Variants in RIPOR2 observed in about 807,000 individuals in gnomAD.
The protein encoded by RIPOR2 is rho family-interacting cell polarization regulator 2.
In RIPOR2, 39 loss-of-function variants were observed where a neutral mutation model predicts 114.5. That is an observed-to-expected ratio of 0.34 (90% CI 0.26 to 0.44). The LOEUF (loss-of-function observed/expected upper bound fraction) is 0.44. Among genes scored for constraint, RIPOR2 ranks in the 20% least tolerant of loss-of-function variants. The pLI is 1.00. For synonymous variants in RIPOR2, 445 were observed against 484.4 expected (o/e 0.92, Z 1.07); for missense variants, 1,007 against 1,255.1 (o/e 0.80, Z 2.99).
intron 15 of RIPOR2, among the ~76,000 whole-genome samples, chr6:24,834,962 C>T (rs1177589771): frequency 6.6e-6 from 1 of 152,152 alleles, no homozygotes; most frequent in Non-Finnish European, 1.5e-5. Context: ...TCTTCCTGTT[C>T]CACATACACC....
chr6:24,828,353 TTCA>T, intron 17 of RIPOR2, 58 bp from the exon 18 acceptor site: 1 of 1,289,654 alleles, frequency 7.8e-7, no homozygotes, highest in Non-Finnish European at 1.0e-6. Context: ...CATTCATTCA[TTCA>T]TTCAATAATT....
chr6:24,870,381 A>G (rs1765040449), intron 5 of RIPOR2, among the ~76,000 whole-genome samples: 1 of 152,266 alleles, frequency 6.6e-6, no homozygotes, highest in Admixed American at 6.5e-5. Context: ...TCTATAGATC[A>G]CAGTACTTGT....
chr6:25,039,073 TA>T (rs777244829), intron 1 of RIPOR2, among the ~76,000 whole-genome samples: 9 of 152,232 alleles, frequency 5.9e-5, no homozygotes, highest in Non-Finnish European at 1.0e-4. Flanking sequence ...TTATTTTTCT[TA>T]ATGACAAAAT....
At chr6:24,927,130 C>CA (rs1561782361) in intron 1 of RIPOR2, among the ~76,000 whole-genome samples, 3 of 4,870 alleles carry the variant, frequency 6.2e-4, no homozygotes, top group Admixed American at 1.8e-3. Context: ...TAATCATCAT[C>CA]TCACTACCAC....
rs562012591 is a variant in RIPOR2, at chr6:24,809,746, T to A, written c.3014A>T (p.Asn1005Ile). 1 of 1,550,712 alleles carries A rather than the reference T, an allele frequency of 6.4e-7. No individual in the cohort carries two copies. Among genetic ancestry groups the A allele is most frequent in the South Asian group, 1.2e-5 (1 of 84,046 alleles). The change falls in exon 21 of 22, where the codon AAT (asparagine) becomes ATT (isoleucine). Residue 1005 changes from asparagine to isoleucine, a missense_variant. By Grantham distance (149) the Asn-to-Ile change is moderately radical. Transcript: ENST00000643898. ...AGACAAGAGGGTTTCTGAGGCCACA[T>A]TTCTGATTTCTTCAGTATCAGATTG... ...LCQSDTEEIR[N>I]VASETLLSLG...
At chr6:24,854,115 T>C (rs1763210172) in intron 8 of RIPOR2, among the ~76,000 whole-genome samples, 1 of 142,884 alleles carries the variant, frequency 7.0e-6, no homozygotes, top group African/African-American at 2.7e-5. Context: ...TGAGACTATG[T>C]CTGAAAAAGA....
chr6:24,913,687 G>A (rs1769845849), intron 1 of RIPOR2, among the ~76,000 whole-genome samples: 1 of 152,112 alleles, frequency 6.6e-6, no homozygotes, highest in Non-Finnish European at 1.5e-5. Context: ...GCTCCTGTGT[G>A]GTCACCAAAG....
At chr6:24,927,217 AC>A (rs1770978722) in intron 1 of RIPOR2, among the ~76,000 whole-genome samples, 2 of 147,132 alleles carry the variant, frequency 1.4e-5, no homozygotes, top group Admixed American at 6.9e-5. Flanking sequence ...CACCACCACC[AC>A]TACCACCAGC....
intron 12 of RIPOR2, chr6:24,847,736 G>C: frequency 6.6e-7 from 1 of 1,515,034 alleles, no homozygotes; most frequent in Non-Finnish European, 8.9e-7. Flanking sequence ...GGAAGAATCA[G>C]GTTACTACAT....
intron 1 of RIPOR2, among the ~76,000 whole-genome samples, chr6:25,029,436 AGAAG>A (rs1298652691): frequency 2.0e-5 from 3 of 147,750 alleles, no homozygotes; most frequent in African/African-American, 7.4e-5. Context: ...AAAAAAAAGA[AGAAG>A]AAGTAATGAA....
chr6:25,036,372 G>A (rs1777254766), intron 1 of RIPOR2, among the ~76,000 whole-genome samples: 1 of 151,596 alleles, frequency 6.6e-6, no homozygotes, highest in Non-Finnish European at 1.5e-5. Context: ...CTACCTAACA[G>A]AGTTCAACGG....
chr6:24,982,926 T>C (rs1201675983), intron 1 of RIPOR2, among the ~76,000 whole-genome samples: 5 of 152,182 alleles, frequency 3.3e-5, no homozygotes, highest in Non-Finnish European at 7.3e-5. Flanking sequence ...ACTCATTGTC[T>C]TCATGTTTCT....
chr6:24,936,841 T>A (rs529505007), upstream of RIPOR2, among the ~76,000 whole-genome samples: 2 of 152,288 alleles, frequency 1.3e-5, no homozygotes, highest in African/African-American at 2.4e-5. Context: ...TGTTGTAAGA[T>A]CTCTTAGGTG....
chr6:24,944,538 G>A (rs750159679), intron 1 of RIPOR2, among the ~76,000 whole-genome samples: 3 of 152,238 alleles, frequency 2.0e-5, no homozygotes, highest in East Asian at 1.9e-4. Context: ...TAAACATCCC[G>A]TTTTCAGCAA....
chr6:24,892,984 A>T lies in RIPOR2; in HGVS notation c.62-17167T>A, dbSNP rs150352884. On this transcript the variant is annotated intron_variant, in intron 1 of 21. Transcript: ENST00000643898. ...TAGTTTGAGGCTACAGTGAGTTATG[A>T]TCTTGCCACTGACTCCAGCGTGGGC... is the stretch of plus-strand genomic sequence containing the variant. 1.1e-3 allele frequency among the ~76,000 whole-genome samples: 171 copies of T among 152,330 alleles called. 2 individuals are homozygous for T. In the East Asian group the frequency reaches 0.031, roughly 28 times the overall value.
intron 1 of RIPOR2, chr6:24,910,537 G>T (rs1769455717): frequency 1.3e-5 from 2 of 152,262 alleles, no homozygotes; most frequent in Non-Finnish European, 1.5e-5. Flanking sequence ...AATGCTGTGG[G>T]CCCCTCTAAC....
At chr6:25,023,414 A>G in intron 1 of RIPOR2, 1 of 769,714 alleles carries the variant, frequency 1.3e-6, no homozygotes, top group Non-Finnish European at 2.4e-6. Context: ...CCAGCCAAGG[A>G]TGTACACCCG....
At chr6:24,923,047 C>A (rs952422501) in intron 1 of RIPOR2, among the ~76,000 whole-genome samples, 1 of 151,918 alleles carries the variant, frequency 6.6e-6, no homozygotes, top group South Asian at 2.1e-4. Flanking sequence ...CTCTCCTCCC[C>A]CCAGCCTCTG....
At chr6:24,906,816 T>A (rs1769052747) in intron 1 of RIPOR2, among the ~76,000 whole-genome samples, 1 of 152,090 alleles carries the variant, frequency 6.6e-6, no homozygotes, top group South Asian at 2.1e-4. Context: ...TTTCTTTTTT[T>A]TTCATAGAGA....
Sources: allele counts gnomAD v4.1 joint callset (sites outside exome capture counted in the v4.1 genomes callset), GRCh38; gene constraint gnomAD v4.1.1; transcripts MANE v1.5; gene names NCBI Gene and HGNC (gene_info 2026-07-23, HGNC 2026-07-21).